Variants in CEP85L observed in about 807,000 individuals in gnomAD.
CEP85L encodes centrosomal protein 85L.
Under a neutral mutation model 100.3 loss-of-function variants are expected in CEP85L, and 60 were observed. That is an observed-to-expected ratio of 0.60 (90% CI 0.49 to 0.74). The LOEUF (loss-of-function observed/expected upper bound fraction) is 0.74, where lower values mean the gene tolerates loss of function less well. Among genes scored for constraint, CEP85L ranks in the 30% least tolerant of loss-of-function variants. The probability of loss-of-function intolerance (pLI) is 0.00; values close to 1 mark genes in which losing one functional copy is unlikely to be tolerated. For missense variants in CEP85L, 973 were observed against 936.2 expected (o/e 1.04, Z -0.51); for synonymous variants, 319 against 322.7 (o/e 0.99, Z 0.12).
intron 1 of CEP85L, among the ~76,000 whole-genome samples, chr6:118,647,688 T>A (rs936751687): frequency 6.6e-6 from 1 of 152,144 alleles, no homozygotes; most frequent in Non-Finnish European, 1.5e-5. Context: ...AAAAATTATT[T>A]ACGAAAAGGA....
Position 118,565,945 on chromosome 6 carries a change from T to C in CEP85L, c.604A>G (p.Ser202Gly), listed in dbSNP as rs757815684. Residue 202 changes from serine (S) to glycine (G), a missense_variant, in exon 3 of 13, where the codon AGC becomes GGC. Coordinates refer to ENST00000368491, the MANE Select transcript of CEP85L (RefSeq NM_001042475.3). ...LTSQLRTIGP[S>G]CLHDSMEMLR... ...ATCTCCATACTATCATGTAAACAGC[T>C]AGGCCCAATTGTCCTCAGTTGTGAT... 103 of 1,614,102 alleles carry C rather than the reference T, an allele frequency of 6.4e-5. No individual in the cohort carries two copies. The highest frequency in any genetic ancestry group is 8.6e-5 in the Non-Finnish European group (102 of 1,180,040).
At chr6:118,554,039 G>A (rs1301197912) in intron 3 of CEP85L, among the ~76,000 whole-genome samples, 5 of 152,110 alleles carry the variant, frequency 3.3e-5, no homozygotes, top group African/African-American at 1.2e-4. Context: ...GGCCAGGCAT[G>A]GTCATTCACA....
intron 2 of CEP85L, among the ~76,000 whole-genome samples, chr6:118,611,435 A>C (rs370486991): frequency 1.3e-5 from 2 of 152,342 alleles, no homozygotes; most frequent in African/African-American, 2.4e-5. Context: ...AAAAATGTTC[A>C]AGTAACCCAT....
At chr6:118,571,357 A>G (rs1327956587) in intron 2 of CEP85L, among the ~76,000 whole-genome samples, 2 of 152,242 alleles carry the variant, frequency 1.3e-5, no homozygotes, top group Non-Finnish European at 2.9e-5. Context: ...GGCTTATAGC[A>G]TTGACAGTAG....
intron 3 of CEP85L, among the ~76,000 whole-genome samples, chr6:118,529,607 CCAAAAAAAA>C (rs1292769778): frequency 2.5e-5 from 1 of 39,598 alleles, no homozygotes; most frequent in African/African-American, 1.1e-4. Flanking sequence ...GACTCTGTCT[CCAAAAAAAA>C]AAAAAAAAAA....
intron 1 of CEP85L, among the ~76,000 whole-genome samples, chr6:118,633,443 A>T (rs559005251): frequency 2.0e-5 from 3 of 152,190 alleles, no homozygotes; most frequent in African/African-American, 7.2e-5. Flanking sequence ...TGACCTCGTG[A>T]TCCACCCGCC....
intron 3 of CEP85L, among the ~76,000 whole-genome samples, chr6:118,535,374 A>C (rs1389578793): frequency 6.6e-6 from 1 of 152,212 alleles, no homozygotes; most frequent in Non-Finnish European, 1.5e-5. Flanking sequence ...AGCGGGGTAG[A>C]GGACTAACTA....
At chr6:118,501,662 C>CGTAACAG (rs1412134257) in intron 5 of CEP85L, 2 of 656,396 alleles carry the variant, frequency 3.0e-6, no homozygotes, top group Non-Finnish European at 5.8e-6. Flanking sequence ...TGCAAAGAAG[C>CGTAACAG]TGTTACACTC....
chr6:118,549,254 G>T (rs750396554), intron 3 of CEP85L, among the ~76,000 whole-genome samples: 14 of 151,588 alleles, frequency 9.2e-5, no homozygotes, highest in Non-Finnish European at 2.1e-4. Context: ...ATCCTCCAGT[G>T]GTACTCCATT....
intron 2 of CEP85L, among the ~76,000 whole-genome samples, chr6:118,585,380 G>A (rs1459536247): frequency 6.6e-6 from 1 of 152,186 alleles, no homozygotes; most frequent in African/African-American, 2.4e-5. Flanking sequence ...TAGCAGTGAT[G>A]CATTGTAGGA....
At chr6:118,683,436 A>C (rs1170559294) in intron 1 of CEP85L, among the ~76,000 whole-genome samples, 1 of 152,118 alleles carries the variant, frequency 6.6e-6, no homozygotes, top group Non-Finnish European at 1.5e-5. Flanking sequence ...TATTGGCTGC[A>C]TTGTAAGGAG....
At chr6:118,478,020 T>G (rs1050994966) in intron 10 of CEP85L, among the ~76,000 whole-genome samples, 14 of 152,204 alleles carry the variant, frequency 9.2e-5, no homozygotes, top group Middle Eastern at 6.8e-3. Flanking sequence ...CGTAAGTTGA[T>G]GAGGAAAAAT....
chr6:118,639,991 A>G (rs187080334), intron 1 of CEP85L, among the ~76,000 whole-genome samples: 1 of 152,338 alleles, frequency 6.6e-6, no homozygotes, highest in East Asian at 1.9e-4. Flanking sequence ...GTAAATATTT[A>G]TCAATGCAGC....
Position 118,566,133 on chromosome 6 carries a change from C to A in CEP85L, c.416G>T (p.Gly139Val). 1 of 1,614,150 alleles carries A rather than the reference C, an allele frequency of 6.2e-7. No individual in the cohort carries two copies. The highest frequency in any genetic ancestry group is 8.5e-7 in the Non-Finnish European group (1 of 1,180,006). Residue 139 changes from glycine to valine, a missense_variant, in exon 3 of 13, where the codon GGG becomes GTG. Gly to Val is a moderately radical substitution (Grantham distance 109, BLOSUM62 -3). This residue lies in a region of CEP85L where 890 missense variants were observed against 844.5 expected (regional missense o/e 1.05). Transcript: ENST00000368491. Reference sequence around the variant, plus strand: ...CATGTCTAGGGAAGAGTCCTGCTCCCCCCTACTGTGGTTTCCCAATGTTTG... The same window carrying A: ...CATGTCTAGGGAAGAGTCCTGCTCCACCCTACTGTGGTTTCCCAATGTTTG... Reference protein sequence around the residue: ...LMQTLGNHSRGEQDSSLDMKD... With the variant: ...LMQTLGNHSRVEQDSSLDMKD...
chr6:118,498,467 G>A (rs527810605), intron 5 of CEP85L, among the ~76,000 whole-genome samples: 3 of 152,062 alleles, frequency 2.0e-5, no homozygotes, highest in African/African-American at 4.8e-5. Context: ...ATCTACTATC[G>A]CAGTTGGAGA....
intron 1 of CEP85L, among the ~76,000 whole-genome samples, chr6:118,650,892 A>C (rs557047287): frequency 5.1e-4 from 77 of 152,316 alleles, no homozygotes; most frequent in Middle Eastern, 3.4e-3. Flanking sequence ...TAAAAGGAAA[A>C]AACCGGGCAG....
intron 1 of CEP85L, among the ~76,000 whole-genome samples, chr6:118,672,584 G>A (rs1776340900): frequency 6.6e-6 from 1 of 152,094 alleles, no homozygotes; most frequent in Admixed American, 6.5e-5. Context: ...TGGGCAACAT[G>A]GTGAGACTTC....
chr6:118,708,563 A>T (rs1777675167), intron 1 of CEP85L, among the ~76,000 whole-genome samples: 1 of 152,238 alleles, frequency 6.6e-6, no homozygotes, highest in South Asian at 2.1e-4. Flanking sequence ...TTAGGAAGAG[A>T]ATTAAAAGAG....
At chr6:118,547,047 G>C (rs1778247082) in intron 3 of CEP85L, among the ~76,000 whole-genome samples, 1 of 152,116 alleles carries the variant, frequency 6.6e-6, no homozygotes, top group South Asian at 2.1e-4. Context: ...AGCAGCTGCT[G>C]CTACACATTT....
Sources: allele counts gnomAD v4.1 joint callset (sites outside exome capture counted in the v4.1 genomes callset), GRCh38; gene constraint gnomAD v4.1.1; regional missense constraint gnomAD v4.1.1; transcripts MANE v1.5; gene names NCBI Gene and HGNC (gene_info 2026-07-23, HGNC 2026-07-21).